SUN1: variants seen among roughly 807,000 people sequenced by gnomAD.
SUN1 encodes SUN domain-containing protein 1.
A neutral mutation model predicts 103.2 loss-of-function variants in SUN1; 61 were observed. The observed-to-expected ratio is 0.59, with a 90% CI of 0.48 to 0.73. The LOEUF (loss-of-function observed/expected upper bound fraction) is 0.73. SUN1 is among the 30% of genes least tolerant of loss of function. The pLI is 0.00. For synonymous variants in SUN1, 490 were observed against 425.7 expected (o/e 1.15, Z -1.86); for missense variants, 1,052 against 1,034.6 (o/e 1.02, Z -0.23).
At chr7:816,457 CCTTCCCCCGCCT>C (rs949484823), upstream of SUN1, among the ~76,000 whole-genome samples, 22 of 149,064 alleles carry the variant, frequency 1.5e-4, no homozygotes, top group African/African-American at 5.2e-4. Flanking sequence ...CTCCCCCTCC[CCTTCCCCCGCCT>C]GGAGTCCTCC....
chr7:850,224 A>T, intron 5 of SUN1: 1 of 591,746 alleles, frequency 1.7e-6, no homozygotes, highest in Non-Finnish European at 3.0e-6. Flanking sequence ...TTGGAAGCGG[A>T]GTCTCACTCT....
chr7:839,141 G>T, intron 2 of SUN1, 155 bp downstream of exon 2: 3 of 649,292 alleles, frequency 4.6e-6, no homozygotes, highest in South Asian at 7.7e-5. Context: ...CATATAAAGT[G>T]GTAGTTTGCT....
At chr7:855,209 C>T (rs1054635031) in intron 11 of SUN1, among the ~76,000 whole-genome samples, 3 of 152,214 alleles carry the variant, frequency 2.0e-5, no homozygotes, top group Non-Finnish European at 4.4e-5. Flanking sequence ...ACTCACGCAT[C>T]CCCGTGTCTC....
chr7:857,246 A>G (rs1828402405), intron 12 of SUN1, among the ~76,000 whole-genome samples: 1 of 152,092 alleles, frequency 6.6e-6, no homozygotes, highest in South Asian at 2.1e-4. Flanking sequence ...CCTGTGCCCC[A>G]TGTTCCTCTT....
chr7:853,195 A>G, intron 9 of SUN1: 1 of 731,772 alleles, frequency 1.4e-6, no homozygotes, highest in Admixed American at 2.9e-5. Context: ...ATCACTGTAC[A>G]AAGTACAGAA....
At chr7:822,791 G>A (rs1583817802) in intron 1 of SUN1, among the ~76,000 whole-genome samples, 3 of 152,212 alleles carry the variant, frequency 2.0e-5, no homozygotes, top group Admixed American at 6.5e-5. Flanking sequence ...TACCTGTTCC[G>A]GTTAGACGAG....
In SUN1 at chr7:852,909, A is replaced by C. The variant is rs913617662; in HGVS notation, c.1010A>C (p.Asp337Ala). 8 of 1,613,950 alleles carry C rather than the reference A, an allele frequency of 5.0e-6. No individual in the cohort carries two copies. The Admixed American group carries it at 1.2e-4, about 24-fold the overall frequency. ...HRTQRVDDPQ[D>A]VFKPTTSRLK... ...ACACAGCGGGTGGATGACCCCCAGGACGTGTTTAAACCCACGACTTCTCGC... is the reference window on the plus strand; with the variant it reads ...ACACAGCGGGTGGATGACCCCCAGGCCGTGTTTAAACCCACGACTTCTCGC... Residue 337 changes from aspartate to alanine, a missense_variant, in exon 9 of 19, where the codon GAC becomes GCC. Coordinates refer to ENST00000401592, the MANE Select transcript of SUN1 (RefSeq NM_001130965.3).
At chr7:861,561 A>G in intron 15 of SUN1, 97 bp downstream of exon 15, 1 of 1,179,010 alleles carries the variant, frequency 8.5e-7, no homozygotes, top group Non-Finnish European at 1.3e-6. Flanking sequence ...TCCAGCAGTA[A>G]GGACTCCTAA....
At chr7:828,988 C>T (rs1349090118), upstream of SUN1, among the ~76,000 whole-genome samples, 1 of 152,234 alleles carries the variant, frequency 6.6e-6, no homozygotes, top group Non-Finnish European at 1.5e-5. Flanking sequence ...GGGACACACA[C>T]TCGTGTGGAA....
intron 5 of SUN1, chr7:843,889 G>T (rs1812565146): frequency 7.9e-7 from 1 of 1,273,658 alleles, no homozygotes; most frequent in Non-Finnish European, 9.9e-7. Flanking sequence ...CGCTGCTCTG[G>T]TCTGTCCTGT....
intron 15 of SUN1, among the ~76,000 whole-genome samples, chr7:863,519 T>G (rs1833944076): frequency 6.6e-6 from 1 of 152,194 alleles, no homozygotes; most frequent in African/African-American, 2.4e-5. Context: ...TGAGATGTAA[T>G]TCACACAAAA....
intron 18 of SUN1, among the ~76,000 whole-genome samples, chr7:873,011 C>T (rs549251291): frequency 2.6e-4 from 40 of 152,280 alleles, no homozygotes; most frequent in Non-Finnish European, 4.6e-4. Flanking sequence ...CGCTTGAGCC[C>T]GGGAGGTGGA....
chr7:832,312 T>G (rs1219122778), upstream of SUN1, among the ~76,000 whole-genome samples: 1 of 152,208 alleles, frequency 6.6e-6, no homozygotes, highest in Non-Finnish European at 1.5e-5. Context: ...ATGATAGAAG[T>G]GTTCCTGGGC....
intron 5 of SUN1, among the ~76,000 whole-genome samples, chr7:844,533 C>T (rs1263337989): frequency 6.6e-6 from 1 of 152,254 alleles, no homozygotes; most frequent in East Asian, 1.9e-4. Flanking sequence ...ACCATCTTGT[C>T]TTCGTGGCCC....
At chr7:849,739 G>A in intron 5 of SUN1, 1 of 1,136,800 alleles carries the variant, frequency 8.8e-7, no homozygotes, top group Non-Finnish European at 1.3e-6. Flanking sequence ...GGCTGTTGGA[G>A]CTGCTGCTTA....
intron 6 of SUN1, 77 bp downstream of exon 6, chr7:851,559 C>A: frequency 8.1e-7 from 1 of 1,234,158 alleles, no homozygotes. Context: ...ATTTACCTAA[C>A]CAAGTAAAAA....
chr7:873,042 G>A (rs935840153), intron 18 of SUN1, among the ~76,000 whole-genome samples, 173 bp from the exon 19 acceptor site: 15 of 152,218 alleles, frequency 9.9e-5, no homozygotes, highest in Admixed American at 6.5e-5. Context: ...AGCTGAGATC[G>A]TGCCATTGTA....
intron 10 of SUN1, among the ~76,000 whole-genome samples, chr7:854,494 C>T (rs1046333206): frequency 6.6e-6 from 1 of 152,242 alleles, no homozygotes; most frequent in Non-Finnish European, 1.5e-5. Flanking sequence ...CTGGTGCTGC[C>T]CTGCTGGACA....
At chr7:868,168 G>A (rs1012384732) in intron 16 of SUN1, among the ~76,000 whole-genome samples, 6 of 152,348 alleles carry the variant, frequency 3.9e-5, no homozygotes, top group Middle Eastern at 3.4e-3. Context: ...TGCGTGTGTC[G>A]TCCTCACACA....
Sources: gnomAD v4.1 joint callset for allele counts (sites outside exome capture counted in the v4.1 genomes callset) on GRCh38, gnomAD v4.1.1 for gene constraint, MANE v1.5 for transcripts, NCBI Gene and HGNC (gene_info 2026-07-23, HGNC 2026-07-21) for gene names.